ROPN1B: variants seen among roughly 807,000 people sequenced by gnomAD.
The protein encoded by ROPN1B is ropporin-1B.
ROPN1B carries 13 observed loss-of-function variants against 23.7 expected under a neutral mutation model. That is an observed-to-expected ratio of 0.55 (90% CI 0.36 to 0.87). The LOEUF is 0.87. Among genes scored for constraint, ROPN1B ranks in the 40% least tolerant of loss-of-function variants. The probability of loss-of-function intolerance (pLI) is 0.01; values close to 1 mark genes in which losing one functional copy is unlikely to be tolerated. For synonymous variants in ROPN1B, 67 were observed against 100.4 expected (o/e 0.67, Z 1.99); for missense variants, 183 against 249.2 (o/e 0.73, Z 1.79).
chr3:125,976,260 G>T (rs1458053630), intron 4 of ROPN1B, among the ~76,000 whole-genome samples: 1 of 152,152 alleles, frequency 6.6e-6, no homozygotes, highest in Non-Finnish European at 1.5e-5. Context: ...AGCGGTTTGG[G>T]GTGATTTAGG....
In ROPN1B at chr3:125,975,775, T is replaced by G. The variant is rs1441295440; in HGVS notation, c.234+95T>G. 5.2e-6 allele frequency: 6 copies of G among 1,150,668 alleles called. No individual in the cohort carries two copies. The African/African-American group carries it at 7.6e-5, about 15-fold the overall frequency. The allele number at this position is 1,150,668 out of a possible 1,614,324, so 71.3% of individuals were successfully genotyped here. A position where few individuals can be genotyped will look rare whatever the true frequency, so the allele number is the denominator to read the frequency against. On this transcript the variant is annotated intron_variant, in intron 4 of 6. Transcript: ENST00000514116. The stretch of plus-strand genomic sequence containing the variant: ...GCCCTCTGTTCTCCTGCCAGTCAGC[T>G]GACCACTTAGCACCACCCTAAAATA...
chr3:125,982,797 G>A (rs1394535880), intron 6 of ROPN1B, among the ~76,000 whole-genome samples: 2 of 152,152 alleles, frequency 1.3e-5, no homozygotes, highest in African/African-American at 4.8e-5. Flanking sequence ...TCTGACTCAT[G>A]CTTAGCTATG....
intron 1 of ROPN1B, chr3:125,969,945 C>T (rs1486509432): frequency 6.6e-6 from 1 of 150,472 alleles, no homozygotes; most frequent in Non-Finnish European, 1.5e-5. Context: ...ATACCTAGCA[C>T]TTCATAGACT....
intron 3 of ROPN1B, among the ~76,000 whole-genome samples, chr3:125,975,096 A>T (rs1455174931): frequency 6.6e-6 from 1 of 151,914 alleles, no homozygotes; most frequent in Non-Finnish European, 1.5e-5. Context: ...CTCCAGGCTC[A>T]GGCTCTGCAG....
At chr3:125,975,010 T>C (rs993183141) in intron 3 of ROPN1B, among the ~76,000 whole-genome samples, 7 of 152,102 alleles carry the variant, frequency 4.6e-5, no homozygotes, top group Admixed American at 6.5e-5. Context: ...ATGGGGGTCT[T>C]ACTCTGTCAC....
intron 1 of ROPN1B, among the ~76,000 whole-genome samples, chr3:125,970,466 C>G (rs1358340228): frequency 6.6e-6 from 1 of 152,068 alleles, no homozygotes; most frequent in Non-Finnish European, 1.5e-5. Flanking sequence ...AGTGAGAAAT[C>G]CCTGAAACAA....
rs141394925 is a variant in ROPN1B, at chr3:125,976,583, G to A, written c.235-421G>A. Among the ~76,000 whole-genome samples the A allele has an allele frequency of 1.1e-3, 170 of 152,292 alleles. No homozygotes were observed. In the East Asian group the frequency reaches 0.013, roughly 11 times the overall value. On this transcript the variant is annotated intron_variant, in intron 4 of 6. Coordinates refer to ENST00000514116, the MANE Select transcript of ROPN1B (RefSeq NM_001308313.2). ...CTAGAGCTAAGAACTCAGTGCAATC[G>A]GGAAGAAACAGACCTATGTCTTGTT...
At chr3:125,978,263 A>T (rs1938493482) in intron 5 of ROPN1B, among the ~76,000 whole-genome samples, 1 of 152,120 alleles carries the variant, frequency 6.6e-6, no homozygotes, top group Non-Finnish European at 1.5e-5. Context: ...CGGGAAGATA[A>T]AAAAATGAAC....
chr3:125,975,539 ACT>A (rs753799140), intron 3 of ROPN1B, 22 bp from the exon 4 acceptor site: 1 of 1,593,748 alleles, frequency 6.3e-7, no homozygotes, highest in Non-Finnish European at 8.6e-7. Flanking sequence ...GGATCCTCCT[ACT>A]CTCTGACTTT....
Position 125,983,415 on chromosome 3 carries a change from A to C in ROPN1B, c.*95A>C. ...CCACCTAAAATCAATTTTCTTGTAC[A>C]ACTGGTACACACTAATAAACAAACA... On this transcript the variant is annotated 3_prime_UTR_variant, in exon 7 of 7. Coordinates refer to ENST00000514116, the MANE Select transcript of ROPN1B (RefSeq NM_001308313.2). 1.2e-6 allele frequency: 1 copy of C among 823,052 alleles called. No individual in the cohort carries two copies. The highest frequency in any genetic ancestry group is 2.1e-6 in the Non-Finnish European group (1 of 472,034). 51.0% of individuals were successfully genotyped at this position (823,052 alleles called of 1,614,324 possible).
Position 125,972,630 on chromosome 3 carries a change from C to T in ROPN1B, c.116+460C>T, listed in dbSNP as rs1442082819. ...CAGCCCTGGGTGGATGGGGTGGGAC[C>T]AGTCCTGCTAGTTCACTCCTTTAAG... On this transcript the variant is annotated intron_variant, in intron 3 of 6. Transcript: ENST00000514116. The T allele has an allele frequency of 3.0e-5, 11 of 363,818 alleles. No homozygotes were observed. The Admixed American group carries it at 3.0e-4, about 10-fold the overall frequency. The allele number at this position is 363,818 out of a possible 1,614,324, so 22.5% of individuals were successfully genotyped here.
chr3:125,980,100 C>T (rs911323113), intron 5 of ROPN1B, among the ~76,000 whole-genome samples: 2 of 152,242 alleles, frequency 1.3e-5, no homozygotes, highest in Non-Finnish European at 1.5e-5. Flanking sequence ...AAATGAAGCT[C>T]GCAAGATGTT....
chr3:125,977,701 T>C (rs545461081), intron 5 of ROPN1B: 2 of 164,536 alleles, frequency 1.2e-5, no homozygotes, highest in African/African-American at 4.8e-5. Context: ...TTATGCCTTT[T>C]CCAAATTTGA....
rs187317999 is a variant in ROPN1B at position 125,970,611 on chromosome 3, G to A, written c.-58-506G>A. On this transcript the variant is annotated intron_variant, in intron 1 of 6. Transcript: ENST00000514116. ...AAAATTCCTTTCTTCCCCCCTCTCC[G>A]AGAAACACCCAAGAATGATCAATAA... 2.0e-5 allele frequency among the ~76,000 whole-genome samples: 3 copies of A among 151,724 alleles called. No individual in the cohort carries two copies. In the East Asian group the frequency reaches 5.8e-4, roughly 29 times the overall value.
At chr3:125,978,874 T>G (rs560947401) in intron 5 of ROPN1B, among the ~76,000 whole-genome samples, 10 of 152,306 alleles carry the variant, frequency 6.6e-5, no homozygotes, top group Admixed American at 5.9e-4. Context: ...AGAGTGACTT[T>G]GGAAAGTCAA....
intron 5 of ROPN1B, among the ~76,000 whole-genome samples, chr3:125,979,682 C>A (rs1177005325): frequency 6.6e-6 from 1 of 152,226 alleles, no homozygotes; most frequent in Non-Finnish European, 1.5e-5. Context: ...GGAGACCTTG[C>A]ATCCTAGTTA....
intron 3 of ROPN1B, chr3:125,972,660 C>T: frequency 2.7e-6 from 1 of 366,526 alleles, no homozygotes; most frequent in Non-Finnish European, 5.1e-6. Context: ...TTTAAGGAGA[C>T]ACTTCCTCCC....
chr3:125,975,910 G>A (rs1206459857), intron 4 of ROPN1B, among the ~76,000 whole-genome samples: 1 of 152,228 alleles, frequency 6.6e-6, no homozygotes, highest in Non-Finnish European at 1.5e-5. Flanking sequence ...CCTTGAAGCT[G>A]GCAGAATGTA....
Position 125,971,957 on chromosome 3 carries a change from CAG to C in ROPN1B, c.-12-83_-12-82del, listed in dbSNP as rs1172831308. The C allele has an allele frequency of 1.0e-5, 13 of 1,275,104 alleles. No individual in the cohort carries two copies. The Admixed American group carries it at 3.2e-4, about 32-fold the overall frequency. 79.0% of individuals were successfully genotyped at this position (1,275,104 alleles called of 1,614,324 possible). A position where few individuals can be genotyped will look rare whatever the true frequency, so the allele number is the denominator to read the frequency against. On this transcript the variant is annotated intron_variant, in intron 2 of 6. Coordinates refer to ENST00000514116, the MANE Select transcript of ROPN1B (RefSeq NM_001308313.2). ...GGAGTCCCCAAAATTGAGTGTCAAA[CAG>C]AGGCTGGGTGACCTCCTGTCCAGGA...
Sources: gnomAD v4.1 joint callset for allele counts (sites outside exome capture counted in the v4.1 genomes callset) on GRCh38, gnomAD v4.1.1 for gene constraint, MANE v1.5 for transcripts, NCBI Gene and HGNC (gene_info 2026-07-23, HGNC 2026-07-21) for gene names.